Variants in ARHGEF4 observed in about 807,000 individuals in gnomAD.
ARHGEF4 encodes the protein Rho guanine nucleotide exchange factor 4, also known as APC-stimulated guanine nucleotide exchange factor 1.
A neutral mutation model predicts 162.0 loss-of-function variants in ARHGEF4; 119 were observed. That is an observed-to-expected ratio of 0.73 (90% CI 0.63 to 0.86). The LOEUF is 0.86. Among genes scored for constraint, ARHGEF4 ranks in the 40% least tolerant of loss-of-function variants. The pLI is 0.00. For synonymous variants in ARHGEF4, 1,014 were observed against 979.9 expected, an observed-to-expected ratio of 1.03 and a Z score of -0.65; for missense variants, 2,488 against 2,456.0, an observed-to-expected ratio of 1.01 and a Z score of -0.28.
At chr2:130,938,483 CTT>C (rs967453098) in intron 3 of ARHGEF4, among the ~76,000 whole-genome samples, 4 of 152,104 alleles carry the variant, frequency 2.6e-5, no homozygotes, top group African/African-American at 9.7e-5. Flanking sequence ...GGTGAAATGT[CTT>C]TTCTGTTCTT....
intron 4 of ARHGEF4, among the ~76,000 whole-genome samples, chr2:131,005,896 G>A (rs905752614): frequency 1.3e-5 from 2 of 152,220 alleles, no homozygotes; most frequent in Admixed American, 1.3e-4. Context: ...CTTCCTGCAA[G>A]GGACTTTGCA....
chr2:130,839,382 T>C (rs1018013729), intron 1 of ARHGEF4, among the ~76,000 whole-genome samples: 7 of 152,142 alleles, frequency 4.6e-5, no homozygotes, highest in Non-Finnish European at 8.8e-5. Flanking sequence ...GAACCTCAGA[T>C]TGTCTGGGTC....
chr2:130,921,500 T>C (rs751291165), intron 2 of ARHGEF4, among the ~76,000 whole-genome samples: 4 of 152,236 alleles, frequency 2.6e-5, no homozygotes, highest in Non-Finnish European at 5.9e-5. Context: ...TACTAAATAC[T>C]GTCAAATTAT....
intron 4 of ARHGEF4, among the ~76,000 whole-genome samples, chr2:130,995,925 G>A (rs920390338): frequency 7.0e-6 from 1 of 142,452 alleles, no homozygotes; most frequent in Non-Finnish European, 1.5e-5. Context: ...GTCTTGCTGT[G>A]TTCGCCCAGG....
At chr2:130,941,924 A>G (rs920979345) in intron 3 of ARHGEF4, among the ~76,000 whole-genome samples, 3 of 152,168 alleles carry the variant, frequency 2.0e-5, no homozygotes, top group Admixed American at 1.3e-4. Flanking sequence ...TTAAAAAAAT[A>G]AAATGTAATG....
chr2:130,839,787 G>A (rs983172411), intron 1 of ARHGEF4, among the ~76,000 whole-genome samples: 1 of 152,204 alleles, frequency 6.6e-6, no homozygotes, highest in Non-Finnish European at 1.5e-5. Context: ...GTTCCAGACA[G>A]CTGGACCCCC....
At chr2:131,021,101 A>C (rs1394150487) in intron 4 of ARHGEF4, among the ~76,000 whole-genome samples, 1 of 152,092 alleles carries the variant, frequency 6.6e-6, no homozygotes, top group Non-Finnish European at 1.5e-5. Context: ...TTGTCAGATA[A>C]GTAGGTTGCA....
chr2:130,864,436 G>T (rs1449808006), intron 1 of ARHGEF4, among the ~76,000 whole-genome samples: 2 of 151,560 alleles, frequency 1.3e-5, no homozygotes, highest in East Asian at 4.0e-4. Context: ...AAGGAGTATG[G>T]CGTTTTGGCC....
intron 1 of ARHGEF4, among the ~76,000 whole-genome samples, chr2:130,842,654 G>A (rs1444445952): frequency 6.6e-6 from 1 of 152,152 alleles, no homozygotes; most frequent in Admixed American, 6.5e-5. Context: ...GGCCATGCAG[G>A]CAGTGAGATA....
chr2:130,948,018 C>T lies in ARHGEF4; in HGVS notation c.3985+1383C>T, dbSNP rs78033946. ...GTGCTTTGTCCAGGCTTGGGAGGAG[C>T]GAGCTGGCAGTGGAGGCTGTTGGTA... On this transcript the variant is annotated intron_variant, in intron 4 of 13. Coordinates refer to ENST00000409359, the MANE Select transcript of ARHGEF4 (RefSeq NM_001367493.1). Among the ~76,000 whole-genome samples, 1,500 of 152,332 alleles carry T rather than the reference C, an allele frequency of 9.8e-3. 10 individuals are homozygous for T. Among genetic ancestry groups the T allele is most frequent in the Non-Finnish European group, 0.012 (820 of 68,030 alleles).
At chr2:131,010,990 G>A (rs1688413159) in intron 4 of ARHGEF4, among the ~76,000 whole-genome samples, 1 of 152,208 alleles carries the variant, frequency 6.6e-6, no homozygotes, top group African/African-American at 2.4e-5. Flanking sequence ...TATTAGAGCA[G>A]AGGTGTGTGT....
chr2:131,039,067 G>T (rs769178941), intron 6 of ARHGEF4, 35 bp downstream of exon 6: 2 of 1,570,624 alleles, frequency 1.3e-6, no homozygotes, highest in Admixed American at 1.8e-5. Flanking sequence ...CCCAAGTTGG[G>T]CCCATAAAAA....
intron 1 of ARHGEF4, among the ~76,000 whole-genome samples, chr2:130,881,929 C>G (rs1679216767): frequency 6.6e-6 from 1 of 152,038 alleles, no homozygotes; most frequent in Admixed American, 6.5e-5. Context: ...TACCCCCTCT[C>G]TAGTCTGGGT....
chr2:130,849,667 C>T (rs1396471932), intron 1 of ARHGEF4, among the ~76,000 whole-genome samples: 1 of 151,734 alleles, frequency 6.6e-6, no homozygotes, highest in Non-Finnish European at 1.5e-5. Context: ...CTCCCAGGTT[C>T]AAGTATTCTC....
At chr2:130,880,922 G>A (rs1679147640) in intron 1 of ARHGEF4, among the ~76,000 whole-genome samples, 1 of 152,070 alleles carries the variant, frequency 6.6e-6, no homozygotes, top group African/African-American at 2.4e-5. Context: ...TTGAATCCTA[G>A]CTTTACAGCT....
chr2:131,024,118 G>A (rs2105360256), intron 4 of ARHGEF4, among the ~76,000 whole-genome samples: 1 of 152,306 alleles, frequency 6.6e-6, no homozygotes, highest in East Asian at 1.9e-4. Context: ...ACTAAAGTCA[G>A]GTTCTTGGCT....
At chr2:130,857,218 C>T (rs1344148293) in intron 1 of ARHGEF4, among the ~76,000 whole-genome samples, 3 of 151,118 alleles carry the variant, frequency 2.0e-5, no homozygotes, top group African/African-American at 4.9e-5. Flanking sequence ...GGCGACAGAG[C>T]GAGACTCCAT....
intron 1 of ARHGEF4, among the ~76,000 whole-genome samples, chr2:130,911,384 C>T (rs564318378): frequency 3.3e-5 from 5 of 152,174 alleles, no homozygotes; most frequent in East Asian, 3.8e-4. Flanking sequence ...CTGTAAAAAC[C>T]CTGAGCCTCC....
At chr2:130,844,834 A>G (rs977508776) in intron 1 of ARHGEF4, among the ~76,000 whole-genome samples, 1 of 151,886 alleles carries the variant, frequency 6.6e-6, no homozygotes, top group Non-Finnish European at 1.5e-5. Flanking sequence ...GTATATATAT[A>G]TATTTGAGAC....
Sources: gnomAD v4.1 joint callset for allele counts (sites outside exome capture counted in the v4.1 genomes callset) on GRCh38, gnomAD v4.1.1 for gene constraint, MANE v1.5 for transcripts, NCBI Gene and HGNC (gene_info 2026-07-23, HGNC 2026-07-21) for gene names.